The following RALGPS1 variants were observed in gnomAD, a reference collection of about 807,000 sequenced individuals.
The protein encoded by RALGPS1 is ras-specific guanine nucleotide-releasing factor RalGPS1.
A neutral mutation model predicts 78.8 loss-of-function variants in RALGPS1; 19 were observed. The observed-to-expected ratio is 0.24, with a 90% confidence interval of 0.17 to 0.35. RALGPS1 has a LOEUF of 0.35. RALGPS1 is among the 10% of genes least tolerant of loss of function. The pLI is 1.00. For missense variants in RALGPS1, 454 were observed against 688.3 expected (o/e 0.66, Z 3.81); for synonymous variants, 228 against 256.3 (o/e 0.89, Z 1.06).
intron 4 of RALGPS1, among the ~76,000 whole-genome samples, chr9:127,027,296 G>A (rs2046038169): frequency 6.6e-6 from 1 of 152,142 alleles, no homozygotes; most frequent in African/African-American, 2.4e-5. Context: ...CATATGTCAG[G>A]TGTCATTTGA....
intron 11 of RALGPS1, among the ~76,000 whole-genome samples, chr9:127,175,280 G>A (rs1448627994): frequency 6.6e-6 from 1 of 152,174 alleles, no homozygotes; most frequent in East Asian, 1.9e-4. Context: ...TCAAGCCCGA[G>A]CTCCGCTGTT....
At chr9:127,064,572 T>G (rs973710237) in intron 7 of RALGPS1, among the ~76,000 whole-genome samples, 1 of 152,208 alleles carries the variant, frequency 6.6e-6, no homozygotes, top group African/African-American at 2.4e-5. Context: ...TTTATTGGCT[T>G]CTTCTAGTAG....
At chr9:126,945,251 T>C (rs971924849) in intron 1 of RALGPS1, among the ~76,000 whole-genome samples, 3 of 152,080 alleles carry the variant, frequency 2.0e-5, no homozygotes, top group Non-Finnish European at 4.4e-5. Context: ...CAGGCTGGAG[T>C]GCGGTGGCAC....
intron 8 of RALGPS1, among the ~76,000 whole-genome samples, chr9:127,162,823 G>T (rs898888950): frequency 5.9e-5 from 9 of 152,168 alleles, no homozygotes; most frequent in African/African-American, 2.2e-4. Flanking sequence ...CATGTTGAGG[G>T]TGTTACTTGA....
intron 11 of RALGPS1, among the ~76,000 whole-genome samples, chr9:127,176,735 G>T (rs553797741): frequency 6.6e-6 from 1 of 152,220 alleles, no homozygotes; most frequent in Non-Finnish European, 1.5e-5. Flanking sequence ...ATCTCCCGGT[G>T]CCCCTTCCTG....
intron 9 of RALGPS1, among the ~76,000 whole-genome samples, chr9:127,168,276 A>G (rs1173035522): frequency 6.6e-6 from 1 of 152,178 alleles, no homozygotes; most frequent in Non-Finnish European, 1.5e-5. Flanking sequence ...GTGGGTAGAT[A>G]TAGGAGGCTT....
At chr9:127,182,745 A>G (rs2060358432) in intron 11 of RALGPS1, among the ~76,000 whole-genome samples, 1 of 151,986 alleles carries the variant, frequency 6.6e-6, no homozygotes, top group Non-Finnish European at 1.5e-5. Flanking sequence ...TCTTTTCTTT[A>G]TAAATTATCC....
intron 8 of RALGPS1, among the ~76,000 whole-genome samples, chr9:127,075,702 T>G (rs1206674396): frequency 6.6e-6 from 1 of 152,272 alleles, no homozygotes; most frequent in Non-Finnish European, 1.5e-5. Flanking sequence ...TCCCTGATAC[T>G]TCAAGCTGCT....
At chr9:126,990,206 A>C in intron 4 of RALGPS1, 2 of 586,430 alleles carry the variant, frequency 3.4e-6, no homozygotes, top group Non-Finnish European at 5.9e-6. Context: ...ACATCATTAA[A>C]ACCCCTCTCT....
At chr9:127,093,799 G>GCC in intron 8 of RALGPS1, 1 of 1,614,060 alleles carries the variant, frequency 6.2e-7, no homozygotes. Flanking sequence ...TGACGGTCCA[G>GCC]CCCCCGGGGT....
chr9:127,161,217 G>A (rs568620128), intron 8 of RALGPS1, among the ~76,000 whole-genome samples: 7 of 152,254 alleles, frequency 4.6e-5, no homozygotes, highest in South Asian at 2.1e-4. Flanking sequence ...GCATCTGGGC[G>A]CCATCCACGG....
intron 18 of RALGPS1, 130 bp downstream of exon 18, chr9:127,214,972 G>A (rs2062491935): frequency 4.1e-6 from 6 of 1,450,538 alleles, no homozygotes; most frequent in Non-Finnish European, 4.6e-6. Flanking sequence ...ACCCTCTTCT[G>A]ATCAGCATCT....
At chr9:127,037,852 G>A (rs545975164) in intron 5 of RALGPS1, among the ~76,000 whole-genome samples, 23 of 152,356 alleles carry the variant, frequency 1.5e-4, no homozygotes, top group Non-Finnish European at 3.1e-4. Flanking sequence ...TGACCAGGAA[G>A]ACATGAAGCT....
intron 8 of RALGPS1, among the ~76,000 whole-genome samples, chr9:127,133,509 G>T (rs895989743): frequency 9.8e-5 from 15 of 152,328 alleles, no homozygotes; most frequent in Middle Eastern, 3.4e-3. Context: ...TCTGCTACCT[G>T]CCAGCCAGGG....
At chr9:127,131,343 G>A (rs945357086) in intron 8 of RALGPS1, among the ~76,000 whole-genome samples, 3 of 152,190 alleles carry the variant, frequency 2.0e-5, no homozygotes, top group African/African-American at 7.2e-5. Context: ...GCCTGGACTT[G>A]ATTACATCAA....
chr9:127,100,409 C>G (rs2053600029), intron 8 of RALGPS1, among the ~76,000 whole-genome samples: 1 of 152,202 alleles, frequency 6.6e-6, no homozygotes, highest in Admixed American at 6.5e-5. Flanking sequence ...GCACTACTTT[C>G]CAGAGGCCAC....
chr9:127,043,110 G>T (rs1271869175), intron 5 of RALGPS1, among the ~76,000 whole-genome samples: 1 of 152,158 alleles, frequency 6.6e-6, no homozygotes, highest in East Asian at 1.9e-4. Context: ...TTGATCAATA[G>T]ATCCAGTGCA....
chr9:126,974,295 G>T lies in RALGPS1; in HGVS notation c.166-3400G>T, dbSNP rs1003227465. ...TCCCCTGACTCTTTTCTAAATTGCCGGACACGGGCTTTCTGTGGTTCTGTG... is the reference window on the plus strand; with the variant it reads ...TCCCCTGACTCTTTTCTAAATTGCCTGACACGGGCTTTCTGTGGTTCTGTG... On this transcript the variant is annotated intron_variant, in intron 3 of 18. Transcript: ENST00000259351. Among the ~76,000 whole-genome samples, 3 of 152,162 alleles carry T rather than the reference G, an allele frequency of 2.0e-5. No homozygotes were observed. The South Asian group carries it at 6.2e-4, about 32-fold the overall frequency.
Position 127,212,572 on chromosome 9 carries a change from A to T in RALGPS1, c.1354-55A>T. On this transcript the variant is annotated intron_variant, in intron 15 of 18. Coordinates refer to ENST00000259351, the MANE Select transcript of RALGPS1 (RefSeq NM_014636.3). The surrounding 1 kb of genome is among the most constrained non-coding windows in gnomAD (Gnocchi z 6.0). ...TGGCTGGGTCTGTAATCGGCCAGGG[A>T]TCCTCTACCCCCACGACCCCTGGTG... 1 of 1,302,822 alleles carries T rather than the reference A, an allele frequency of 7.7e-7. No homozygotes were observed. Among genetic ancestry groups the T allele is most frequent in the Admixed American group, 2.0e-5 (1 of 50,270 alleles). 80.7% of individuals were successfully genotyped at this position (1,302,822 alleles called of 1,614,324 possible).
Sources: allele counts gnomAD v4.1 joint callset (sites outside exome capture counted in the v4.1 genomes callset), GRCh38; gene constraint gnomAD v4.1.1; non-coding constraint Gnocchi (gnomAD v3.1); transcripts MANE v1.5; gene names NCBI Gene and HGNC (gene_info 2026-07-23, HGNC 2026-07-21).